Variants in CCAR1 observed in about 807,000 individuals in gnomAD.
The protein encoded by CCAR1 is cell division cycle and apoptosis regulator 1.
CCAR1 carries 78 observed loss-of-function variants against 163.8 expected under a neutral mutation model. The ratio of observed to expected loss-of-function variants is 0.48; its 90% confidence interval spans 0.40 to 0.57. CCAR1 has a LOEUF of 0.57. Ranked by LOEUF, CCAR1 falls within the 20% of genes least tolerant of loss-of-function variation. The pLI is 0.00. For missense variants in CCAR1, 1,019 were observed against 1,365.2 expected, an observed-to-expected ratio of 0.75 and a Z score of 4.00; for synonymous variants, 443 against 460.7, an observed-to-expected ratio of 0.96 and a Z score of 0.49.
chr10:68,736,553 A>C (rs148846056), intron 2 of CCAR1, among the ~76,000 whole-genome samples: 158 of 151,986 alleles, frequency 1.0e-3, no homozygotes, highest in Non-Finnish European at 1.7e-3. Flanking sequence ...ACTTTCTTAT[A>C]CTCCAAATTT....
chr10:68,732,550 T>C (rs2056055613), intron 2 of CCAR1, among the ~76,000 whole-genome samples: 1 of 152,092 alleles, frequency 6.6e-6, no homozygotes, highest in South Asian at 2.1e-4. Flanking sequence ...GGTTTCACCG[T>C]GTTGGCCAGG....
At chr10:68,732,220 G>A (rs537685274) in intron 2 of CCAR1, among the ~76,000 whole-genome samples, 1 of 152,170 alleles carries the variant, frequency 6.6e-6, no homozygotes, top group South Asian at 2.1e-4. Context: ...TGCAGAACAT[G>A]CCGATCTTAA....
At chr10:68,766,115 GTCCAC>G in intron 17 of CCAR1, 36 bp downstream of exon 17, 3 of 1,308,198 alleles carry the variant, frequency 2.3e-6, no homozygotes, top group Non-Finnish European at 3.3e-6. Context: ...TCCATATAAG[GTCCAC>G]ACATTATGAC....
At chr10:68,726,793 C>A (rs10998408) in intron 2 of CCAR1, among the ~76,000 whole-genome samples, 11,460 of 151,490 alleles carry the variant, frequency 0.076, 1,241 homozygotes, top group African/African-American at 0.24. Flanking sequence ...GTCAGGAGTC[C>A]GAGACCAGCT....
Position 68,756,555 on chromosome 10 carries a change from A to G in CCAR1, c.1836+72A>G. 1 of 1,155,266 alleles carries G rather than the reference A, an allele frequency of 8.7e-7. No individual in the cohort carries two copies. Among genetic ancestry groups the G allele is most frequent in the Non-Finnish European group, 1.3e-6 (1 of 786,492 alleles). The allele number at this position is 1,155,266 out of a possible 1,614,324, so 71.6% of individuals were successfully genotyped here. A position where few individuals can be genotyped will look rare whatever the true frequency, so the allele number is the denominator to read the frequency against. On this transcript the variant is annotated intron_variant, in intron 14 of 24. Coordinates refer to ENST00000265872, the MANE Select transcript of CCAR1 (RefSeq NM_018237.4). The surrounding 1 kb of genome is among the most constrained non-coding windows in gnomAD (Gnocchi z 5.1). ...AGGAACACAGGCACAAATGCACACC[A>G]CACACTACATAATAAACACACATGG...
intron 17 of CCAR1, among the ~76,000 whole-genome samples, chr10:68,770,282 T>A (rs1487178877): frequency 6.6e-6 from 1 of 152,176 alleles, no homozygotes; most frequent in Non-Finnish European, 1.5e-5. Flanking sequence ...TAACAGAGAC[T>A]TCATGATTTG....
At chr10:68,789,584 T>C (rs1002748431) in intron 23 of CCAR1, 126 bp from the exon 24 acceptor site, 2 of 619,810 alleles carry the variant, frequency 3.2e-6, no homozygotes, top group African/African-American at 1.9e-5. Context: ...CTAATGAAAT[T>C]GACAGACATT....
rs376443925 is a variant in CCAR1 at position 68,722,148 on chromosome 10, T to C, written c.-50-307T>C. On this transcript the variant is annotated intron_variant, in intron 1 of 24. Coordinates refer to ENST00000265872, the MANE Select transcript of CCAR1 (RefSeq NM_018237.4). ...AAAGTTGTGAACTTTTTGTTAACAA[T>C]TGGGTGGATACAGCAGATGGTCTTC... 2.2e-4 allele frequency among the ~76,000 whole-genome samples: 34 copies of C among 152,264 alleles called. 1 individual carries two copies. Among genetic ancestry groups the C allele is most frequent in the Middle Eastern group, 3.4e-3 (1 of 294 alleles).
intron 15 of CCAR1, among the ~76,000 whole-genome samples, chr10:68,758,031 G>A (rs528537375): frequency 6.6e-6 from 1 of 152,144 alleles, no homozygotes; most frequent in South Asian, 2.1e-4. Flanking sequence ...GTGAGCCACC[G>A]TGCCTGGCCG....
At chr10:68,722,751 G>A (rs995686878) in intron 2 of CCAR1, among the ~76,000 whole-genome samples, 174 bp downstream of exon 2, 1 of 151,966 alleles carries the variant, frequency 6.6e-6, no homozygotes. Flanking sequence ...GTGAAACCCC[G>A]TCTCTACTAA....
chr10:68,727,207 A>G, intron 2 of CCAR1, among the ~76,000 whole-genome samples: 1 of 150,758 alleles, frequency 6.6e-6, no homozygotes, highest in Non-Finnish European at 1.5e-5. Context: ...TGTAGCTGGG[A>G]CTACAGGCGC....
intron 16 of CCAR1, among the ~76,000 whole-genome samples, chr10:68,764,005 G>A (rs1041641818): frequency 2.0e-5 from 3 of 152,156 alleles, no homozygotes; most frequent in Admixed American, 6.5e-5. Flanking sequence ...TTAGGTTGCT[G>A]CTCCCAACCC....
Position 68,743,058 on chromosome 10 carries a change from G to A in CCAR1, c.518+489G>A, listed in dbSNP as rs542533804. On this transcript the variant is annotated intron_variant, in intron 6 of 24. Transcript: ENST00000265872. The stretch of plus-strand genomic sequence containing the variant: ...AGTGATTCTCCTGCCTCAGCCTCCC[G>A]AGTAGCTGGGACAACAGGCATGCGC... 3.3e-5 allele frequency among the ~76,000 whole-genome samples: 5 copies of A among 150,878 alleles called. No homozygotes were observed. The East Asian group carries it at 5.9e-4, about 18-fold the overall frequency.
chr10:68,775,284 T>C (rs2056650078), intron 19 of CCAR1, among the ~76,000 whole-genome samples: 1 of 152,146 alleles, frequency 6.6e-6, no homozygotes, highest in Admixed American at 6.6e-5. Context: ...CTCCTCTTAT[T>C]TGCTTTAATA....
intron 2 of CCAR1, among the ~76,000 whole-genome samples, chr10:68,735,234 C>G (rs936970153): frequency 6.6e-6 from 1 of 152,040 alleles, no homozygotes; most frequent in Non-Finnish European, 1.5e-5. Context: ...TGTAGTCCCA[C>G]CTACTCGGAA....
chr10:68,765,665 G>A (rs560222444), intron 16 of CCAR1, among the ~76,000 whole-genome samples: 3 of 152,090 alleles, frequency 2.0e-5, no homozygotes, highest in Admixed American at 2.0e-4. Context: ...TTCTTATGCT[G>A]GGAAATCCAA....
At chr10:68,782,137 C>A (rs534340461) in intron 19 of CCAR1, among the ~76,000 whole-genome samples, 11 of 151,118 alleles carry the variant, frequency 7.3e-5, no homozygotes, top group Admixed American at 1.3e-4. Context: ...ACACCAGTCA[C>A]AACATTCCCT....
intron 2 of CCAR1, among the ~76,000 whole-genome samples, chr10:68,725,732 C>T (rs1321629794): frequency 6.6e-6 from 1 of 151,954 alleles, no homozygotes; most frequent in Admixed American, 6.6e-5. Context: ...TTTTTTAATT[C>T]GAGGTCAATT....
chr10:68,769,267 C>T (rs778494596), intron 17 of CCAR1, among the ~76,000 whole-genome samples: 6 of 152,320 alleles, frequency 3.9e-5, no homozygotes, highest in East Asian at 1.9e-4. Flanking sequence ...AACCACCATG[C>T]GTGGCCCGTT....
Sources: allele counts gnomAD v4.1 joint callset (sites outside exome capture counted in the v4.1 genomes callset), GRCh38; gene constraint gnomAD v4.1.1; non-coding constraint Gnocchi (gnomAD v3.1); transcripts MANE v1.5; gene names NCBI Gene and HGNC (gene_info 2026-07-23, HGNC 2026-07-21).